Variants in TMIGD3 observed in about 807,000 individuals in gnomAD.
TMIGD3 encodes transmembrane and immunoglobulin domain containing 3.
Under a neutral mutation model 28.1 loss-of-function variants are expected in TMIGD3, and 21 were observed. That is an observed-to-expected ratio of 0.75 (90% CI 0.53 to 1.08). TMIGD3 has a LOEUF of 1.08. Among genes scored for constraint, TMIGD3 ranks in the 50% least tolerant of loss-of-function variants. The pLI, the probability that TMIGD3 is intolerant of heterozygous loss-of-function variation, is 0.00. For missense variants in TMIGD3, 416 were observed against 435.6 expected (o/e 0.96, Z 0.40); for synonymous variants, 151 against 162.1 (o/e 0.93, Z 0.52).
intron 1 of TMIGD3, among the ~76,000 whole-genome samples, chr1:111,512,310 A>G (rs1655714553): frequency 6.6e-6 from 1 of 152,246 alleles, no homozygotes; most frequent in Non-Finnish European, 1.5e-5. Context: ...CTGTGCGTCC[A>G]GCATGGCACG....
At chr1:111,514,864 G>C (rs1655807567) in intron 1 of TMIGD3, among the ~76,000 whole-genome samples, 1 of 152,106 alleles carries the variant, frequency 6.6e-6, no homozygotes, top group South Asian at 2.1e-4. Context: ...GGCTCTCCCT[G>C]GATCCTTGAC....
chr1:111,541,795 G>A (rs1571450025), intron 1 of TMIGD3, among the ~76,000 whole-genome samples: 2 of 152,314 alleles, frequency 1.3e-5, no homozygotes, highest in East Asian at 3.9e-4. Flanking sequence ...AAGAGCCTGA[G>A]AAGTTGAAGA....
intron 1 of TMIGD3, among the ~76,000 whole-genome samples, chr1:111,535,223 A>G (rs1180813690): frequency 6.6e-6 from 1 of 152,204 alleles, no homozygotes; most frequent in African/African-American, 2.4e-5. Flanking sequence ...ATTATATCGA[A>G]ATGTATCCAC....
intron 1 of TMIGD3, among the ~76,000 whole-genome samples, chr1:111,497,651 G>T (rs917830850): frequency 4.6e-5 from 7 of 151,500 alleles, no homozygotes; most frequent in Non-Finnish European, 7.4e-5. Context: ...ATCAGGAAAA[G>T]AAAAAAAGAG....
intron 1 of TMIGD3, among the ~76,000 whole-genome samples, chr1:111,491,906 C>A (rs1044995553): frequency 6.6e-6 from 1 of 152,228 alleles, no homozygotes; most frequent in Admixed American, 6.5e-5. Flanking sequence ...CCAACCTTCA[C>A]GATGGCTCCT....
chr1:111,540,701 A>T (rs537546512), intron 1 of TMIGD3, among the ~76,000 whole-genome samples: 1 of 152,256 alleles, frequency 6.6e-6, no homozygotes, highest in South Asian at 2.1e-4. Flanking sequence ...ACATCTCACA[A>T]TTGTGTAAGG....
At chr1:111,500,345 T>C (rs1655108052) in intron 1 of TMIGD3, 2 of 1,614,174 alleles carry the variant, frequency 1.2e-6, no homozygotes, top group East Asian at 4.5e-5. Flanking sequence ...ACCAGGGGGA[T>C]GAAAATCCAG....
intron 1 of TMIGD3, among the ~76,000 whole-genome samples, chr1:111,553,192 G>T (rs1657340599): frequency 6.6e-6 from 1 of 152,178 alleles, no homozygotes; most frequent in African/African-American, 2.4e-5. Context: ...GAACAGATTT[G>T]TTTATTGTAC....
At chr1:111,505,879 C>T (rs1019513752), upstream of TMIGD3, among the ~76,000 whole-genome samples, 1 of 152,128 alleles carries the variant, frequency 6.6e-6, no homozygotes, top group African/African-American at 2.4e-5. Flanking sequence ...GGCTTATACC[C>T]TTCTGATGGG....
In TMIGD3 at chr1:111,483,618, T is replaced by C; in HGVS notation, c.*69A>G. On this transcript the variant is annotated 3_prime_UTR_variant, in exon 6 of 6. Transcript: ENST00000369716. ...GAGATCAGAATCAGTCTCTGAGGTG[T>C]GGGCCAGTTGTCATGGTGATTATTC... The C allele has an allele frequency of 1.6e-6, 2 of 1,245,408 alleles. No individual in the cohort carries two copies. 77.1% of individuals were successfully genotyped at this position (1,245,408 alleles called of 1,614,324 possible). A position where few individuals can be genotyped will look rare whatever the true frequency, so the allele number is the denominator to read the frequency against.
At position 111,526,470 on chromosome 1, in the gene TMIGD3, T is replaced by C. The variant is rs180714031; in HGVS notation, c.108-35708A>G. ...CTTCCCCTTCTGCCATGATTGTAAG[T>C]TTCCTGAGGCCTCCCCAGCCCTGCA... On this transcript the variant is annotated intron_variant, in intron 1 of 5. Coordinates refer to the TMIGD3 transcript ENST00000369717. 2.3e-3 allele frequency among the ~76,000 whole-genome samples: 356 copies of C among 152,298 alleles called. 2 individuals are homozygous for C. Among genetic ancestry groups the C allele is most frequent in the African/African-American group, 8.3e-3 (345 of 41,562 alleles).
chr1:111,517,128 CAT>C (rs761016039), intron 1 of TMIGD3, among the ~76,000 whole-genome samples: 2 of 152,210 alleles, frequency 1.3e-5, no homozygotes, highest in African/African-American at 2.4e-5. Flanking sequence ...CACACACACA[CAT>C]GCACACACTA....
intron 1 of TMIGD3, among the ~76,000 whole-genome samples, chr1:111,555,276 G>T (rs923602060): frequency 7.4e-5 from 10 of 135,848 alleles, no homozygotes; most frequent in African/African-American, 2.8e-4. Context: ...TGAGGCACAA[G>T]AATTGCTTGA....
rs1425985921 is a variant in TMIGD3, at chr1:111,543,598, TTAAGGAGGAGGAGGAAGA to T, written c.107+20230_107+20247del. 4.1e-5 allele frequency among the ~76,000 whole-genome samples: 6 copies of T among 145,694 alleles called. No individual in the cohort carries two copies. In the East Asian group the frequency reaches 1.0e-3, roughly 24 times the overall value. On this transcript the variant is annotated intron_variant, in intron 1 of 5. Transcript: ENST00000369717. ...TCATTAAAAGATTAGGCCCTCTGTCTTAAGGAGGAGGAGGAAGAGAAGGAGGAATAGGAGGAGGAAGAG... is the reference window on the plus strand; with the variant it reads ...TCATTAAAAGATTAGGCCCTCTGTCTGAAGGAGGAATAGGAGGAGGAAGAG...
intron 1 of TMIGD3, among the ~76,000 whole-genome samples, chr1:111,525,147 G>A (rs1656220484): frequency 1.3e-5 from 2 of 152,168 alleles, no homozygotes; most frequent in Admixed American, 1.3e-4. Context: ...TTCTACTGTT[G>A]TTGTGTGGAT....
chr1:111,541,041 C>T (rs1042451932), intron 1 of TMIGD3, among the ~76,000 whole-genome samples: 7 of 152,196 alleles, frequency 4.6e-5, no homozygotes, highest in Non-Finnish European at 1.0e-4. Context: ...ATACACTCCA[C>T]CTAGACTCTG....
chr1:111,504,779 G>A (rs1336210024), upstream of TMIGD3: 1 of 828,622 alleles, frequency 1.2e-6, no homozygotes. Context: ...CCTCTTGTTA[G>A]TTGATCTGCT....
intron 1 of TMIGD3, among the ~76,000 whole-genome samples, chr1:111,511,331 G>A (rs1271330848): frequency 6.6e-6 from 1 of 152,120 alleles, no homozygotes; most frequent in Non-Finnish European, 1.5e-5. Flanking sequence ...ACCTGCCACA[G>A]AAGAAACCTG....
chr1:111,492,901 A>G lies in TMIGD3; in HGVS notation c.351-2139T>C, dbSNP rs184547399. Among the ~76,000 whole-genome samples the G allele has an allele frequency of 2.8e-3, 431 of 152,232 alleles. 2 individuals carry two copies. Among genetic ancestry groups the G allele is most frequent in the African/African-American group, 9.8e-3 (409 of 41,546 alleles). On this transcript the variant is annotated intron_variant, in intron 1 of 5. Transcript: ENST00000369716. ...AATGATGTGTCTACTAGTATTCTGA[A>G]TATTACTTGGTGTATTAATTCCATA...
Sources: gnomAD v4.1 joint callset for allele counts (sites outside exome capture counted in the v4.1 genomes callset) on GRCh38, gnomAD v4.1.1 for gene constraint, MANE v1.5 for transcripts, NCBI Gene and HGNC (gene_info 2026-07-23, HGNC 2026-07-21) for gene names.